The following AIG1 variants were observed in gnomAD, a reference collection of about 807,000 sequenced individuals.
The protein encoded by AIG1 is androgen-induced gene 1 protein.
AIG1 carries 23 observed loss-of-function variants against 31.4 expected under a neutral mutation model. The ratio of observed to expected loss-of-function variants is 0.73; its 90% CI spans 0.53 to 1.04. The LOEUF (loss-of-function observed/expected upper bound fraction) is 1.04. AIG1 is among the 50% of genes least tolerant of loss of function. AIG1 has a pLI of 0.00. For missense variants in AIG1, 274 were observed against 295.0 expected, an observed-to-expected ratio of 0.93 and a Z score of 0.52; for synonymous variants, 100 against 110.5, an observed-to-expected ratio of 0.90 and a Z score of 0.60.
chr6:143,061,312 A>G (rs1012317064), intron 1 of AIG1: 2 of 635,180 alleles, frequency 3.1e-6, no homozygotes, highest in East Asian at 3.4e-5. Flanking sequence ...ACTGGGGGAC[A>G]AATGGAGGTG....
At chr6:143,285,355 C>T (rs868029382) in intron 4 of AIG1, among the ~76,000 whole-genome samples, 25 of 150,340 alleles carry the variant, frequency 1.7e-4, no homozygotes, top group African/African-American at 3.2e-4. Context: ...AGGAGCTTTA[C>T]GACCATGTGG....
At chr6:143,187,151 A>C (rs923932130) in intron 3 of AIG1, among the ~76,000 whole-genome samples, 1 of 152,232 alleles carries the variant, frequency 6.6e-6, no homozygotes, top group African/African-American at 2.4e-5. Context: ...CTAACAAAAA[A>C]TTAATGAAAT....
intron 3 of AIG1, among the ~76,000 whole-genome samples, chr6:143,218,127 A>C (rs567775441): frequency 6.6e-6 from 1 of 152,350 alleles, no homozygotes; most frequent in African/African-American, 2.4e-5. Flanking sequence ...CTCCATAAAG[A>C]ATGAAGATAT....
chr6:143,161,533 A>G, intron 2 of AIG1, among the ~76,000 whole-genome samples: 1 of 150,242 alleles, frequency 6.7e-6, no homozygotes, highest in East Asian at 1.9e-4. Context: ...CATATATTAT[A>G]TATATATGTG....
chr6:143,135,487 A>G (rs956702358), intron 1 of AIG1, among the ~76,000 whole-genome samples: 2 of 152,120 alleles, frequency 1.3e-5, no homozygotes, highest in Admixed American at 1.3e-4. Flanking sequence ...GTCGTTCTCA[A>G]TTGTGGCAGT....
intron 3 of AIG1, among the ~76,000 whole-genome samples, chr6:143,233,738 T>C (rs1382812387): frequency 1.3e-5 from 2 of 152,200 alleles, no homozygotes; most frequent in Non-Finnish European, 2.9e-5. Context: ...AACTCAGTGA[T>C]TGGTAGAAAA....
Position 143,158,250 on chromosome 6 carries a change from G to A in AIG1, c.298-6832G>A, listed in dbSNP as rs769200546. Among the ~76,000 whole-genome samples the A allele has an allele frequency of 3.3e-5, 5 of 152,078 alleles. 1 individual carries two copies. Among genetic ancestry groups the A allele is most frequent in the Non-Finnish European group, 5.9e-5 (4 of 68,006 alleles). Reference sequence around the variant, plus strand: ...AGATGACACACTAGCCTGTTTCCACGTTTAGCATCATCACCTCTGACCCCT... The same window carrying A: ...AGATGACACACTAGCCTGTTTCCACATTTAGCATCATCACCTCTGACCCCT... On this transcript the variant is annotated intron_variant, in intron 2 of 5. Transcript: ENST00000357847.
intron 1 of AIG1, among the ~76,000 whole-genome samples, chr6:143,100,241 C>T (rs1780131922): frequency 6.6e-6 from 1 of 152,146 alleles, no homozygotes; most frequent in African/African-American, 2.4e-5. Flanking sequence ...ATCCTCTGAA[C>T]CGTAAGATTT....
intron 3 of AIG1, among the ~76,000 whole-genome samples, chr6:143,174,226 C>A (rs371676648): frequency 1.3e-5 from 2 of 152,062 alleles, no homozygotes; most frequent in Non-Finnish European, 2.9e-5. Context: ...TGGTGGCTCA[C>A]GCCTGTAATC....
At chr6:143,335,625 G>A (rs1777425207) in intron 5 of AIG1, 1 of 151,906 alleles carries the variant, frequency 6.6e-6, no homozygotes, top group Non-Finnish European at 1.5e-5. Context: ...AGAGCCCACT[G>A]TTCTATTCTG....
chr6:143,259,975 G>T (rs537750196), intron 3 of AIG1, among the ~76,000 whole-genome samples: 21 of 151,784 alleles, frequency 1.4e-4, no homozygotes, highest in Non-Finnish European at 2.9e-4. Context: ...CATTGGAGAA[G>T]GGAGTAATGA....
chr6:143,059,706 C>T (rs1030884341), upstream of AIG1, among the ~76,000 whole-genome samples: 2 of 152,170 alleles, frequency 1.3e-5, no homozygotes, highest in African/African-American at 4.8e-5. Flanking sequence ...TTTCTCTTTA[C>T]CTCTAGCACT....
chr6:143,140,049 T>C (rs1441038130), intron 2 of AIG1, among the ~76,000 whole-genome samples: 1 of 152,204 alleles, frequency 6.6e-6, no homozygotes, highest in Non-Finnish European at 1.5e-5. Flanking sequence ...CAGTTTCACA[T>C]GGCTGTGGAG....
At chr6:143,181,955 A>G (rs1788764556) in intron 3 of AIG1, among the ~76,000 whole-genome samples, 2 of 152,148 alleles carry the variant, frequency 1.3e-5, no homozygotes, top group African/African-American at 4.8e-5. Flanking sequence ...ACACTTCTCC[A>G]TGGCTACTTA....
chr6:143,139,811 A>G (rs1311126677), intron 2 of AIG1, among the ~76,000 whole-genome samples: 2 of 151,962 alleles, frequency 1.3e-5, no homozygotes, highest in Non-Finnish European at 2.9e-5. Flanking sequence ...TATTTATGCA[A>G]TTTCCACCAG....
At chr6:143,162,680 A>G (rs1786505914) in intron 2 of AIG1, among the ~76,000 whole-genome samples, 1 of 152,170 alleles carries the variant, frequency 6.6e-6, no homozygotes, top group African/African-American at 2.4e-5. Context: ...CTGTGTTTGG[A>G]CACCCAGACC....
chr6:143,080,676 T>G (rs1778164563), intron 1 of AIG1, among the ~76,000 whole-genome samples: 1 of 151,990 alleles, frequency 6.6e-6, no homozygotes, highest in African/African-American at 2.4e-5. Context: ...TTCTAGTTAC[T>G]TTCCTCACGG....
chr6:143,291,760 A>G lies in AIG1; in HGVS notation c.515+7535A>G, dbSNP rs1299233562. On this transcript the variant is annotated intron_variant, in intron 4 of 5. Transcript: ENST00000357847. This position sits in a 1 kb window ranked among gnomAD's most constrained non-coding sequence, Gnocchi z 4.2. ...GCCTGCTGTGTTCAAGGAAAGCAGA[A>G]GGCCACTGTGTGTTGAAGCAGAGTG... Among the ~76,000 whole-genome samples, 1 of 152,174 alleles carries G rather than the reference A, an allele frequency of 6.6e-6. No homozygotes were observed. The highest frequency in any genetic ancestry group is 6.5e-5 in the Admixed American group (1 of 15,276).
Position 143,189,974 on chromosome 6 carries a change from C to T in AIG1, c.399+24791C>T, listed in dbSNP as rs1583462831. The T allele has an allele frequency of 6.0e-6, 3 of 498,282 alleles. No homozygotes were observed. In the African/African-American group the frequency reaches 6.3e-5, roughly 10 times the overall value. 30.9% of individuals were successfully genotyped at this position (498,282 alleles called of 1,614,324 possible). ...CTGATGAGGATCCTCTTCCAGATTA[C>T]AGACTTCCAGCTTCTTGCTGTGTCC... is the stretch of plus-strand genomic sequence containing the variant. On this transcript the variant is annotated intron_variant, in intron 3 of 5. Coordinates refer to ENST00000357847, the MANE Select transcript of AIG1 (RefSeq NM_016108.4).
Sources: allele counts gnomAD v4.1 joint callset (sites outside exome capture counted in the v4.1 genomes callset), GRCh38; gene constraint gnomAD v4.1.1; non-coding constraint Gnocchi (gnomAD v3.1); transcripts MANE v1.5; gene names NCBI Gene and HGNC (gene_info 2026-07-23, HGNC 2026-07-21).